CLASRP: variants seen among roughly 807,000 people sequenced by gnomAD.
The protein encoded by CLASRP is CLK4 associating serine/arginine rich protein, also known as CLK4-associating serine/arginine rich protein.
CLASRP carries 52 observed loss-of-function variants against 99.9 expected under a neutral mutation model. The observed-to-expected ratio is 0.52, with a 90% CI of 0.42 to 0.66. The LOEUF is 0.66. Among genes scored for constraint, CLASRP ranks in the 30% least tolerant of loss-of-function variants. CLASRP has a pLI of 0.00. For synonymous variants in CLASRP, 379 were observed against 373.0 expected, an observed-to-expected ratio of 1.02 and a Z score of -0.18; for missense variants, 848 against 999.2, an observed-to-expected ratio of 0.85 and a Z score of 2.04.
chr19:45,068,133 G>T (rs926794279), intron 15 of CLASRP, 79 bp downstream of exon 15: 26 of 1,382,500 alleles, frequency 1.9e-5, no homozygotes, highest in Non-Finnish European at 2.6e-5. Flanking sequence ...GGGCCTGCAG[G>T]GGGGCCCGGG....
At chr19:45,048,289 C>T (rs2122543705) in intron 2 of CLASRP, among the ~76,000 whole-genome samples, 1 of 150,440 alleles carries the variant, frequency 6.6e-6, no homozygotes, top group South Asian at 2.1e-4. Flanking sequence ...GTAATCCCAG[C>T]ACTTTGGGAG....
intron 13 of CLASRP, 124 bp downstream of exon 13, chr19:45,064,754 C>T (rs1967044050): frequency 2.1e-6 from 3 of 1,427,200 alleles, no homozygotes; most frequent in Admixed American, 2.8e-5. Flanking sequence ...TCTAAGGGGA[C>T]AGGCACAGGC....
At chr19:45,068,798 A>G (rs1967159350) in intron 16 of CLASRP, among the ~76,000 whole-genome samples, 1 of 151,900 alleles carries the variant, frequency 6.6e-6, no homozygotes, top group Non-Finnish European at 1.5e-5. Flanking sequence ...GGAGATCGAG[A>G]CCATTAACAC....
chr19:45,042,869 G>A (rs185716312), intron 2 of CLASRP, among the ~76,000 whole-genome samples: 14 of 152,052 alleles, frequency 9.2e-5, no homozygotes, highest in African/African-American at 2.9e-4. Context: ...TGCTTGCCTC[G>A]GCCTCCCAAA....
At chr19:45,063,987 T>A (rs746886246) in intron 11 of CLASRP, 25 bp from the exon 12 acceptor site, 1 of 1,584,580 alleles carries the variant, frequency 6.3e-7, no homozygotes, top group East Asian at 2.3e-5. Context: ...CCTGAGCTAG[T>A]GAGCCTCCTC....
intron 8 of CLASRP, among the ~76,000 whole-genome samples, chr19:45,059,850 C>G (rs1966899752): frequency 1.3e-5 from 2 of 152,154 alleles, no homozygotes; most frequent in Non-Finnish European, 1.5e-5. Flanking sequence ...TCAGGAACAT[C>G]CAGTGTCCTC....
In CLASRP at chr19:45,052,857, C is replaced by T; in HGVS notation, c.264C>T (p.His88=). The change falls in exon 4 of 21, where the codon CAC becomes CAT. Residue 88 remains histidine (H), a synonymous_variant. Transcript: ENST00000221455. ...DRFDVRAHLD[H]IPDYTPPLLT... is the part of the protein sequence containing the mutation. ...TCGATGTCCGTGCCCACCTGGACCA[C>T]ATCCCCGACTACACCCCCCCTCTGC... 10 of 1,612,442 alleles carry T rather than the reference C, an allele frequency of 6.2e-6. No individual in the cohort carries two copies.
rs772685843 is a variant in CLASRP at position 45,070,857 on chromosome 19, G to T, written c.*12G>T. 25 of 1,560,546 alleles carry T rather than the reference G, an allele frequency of 1.6e-5. No individual in the cohort carries two copies. The African/African-American group carries it at 3.0e-4, about 19-fold the overall frequency. On this transcript the variant is annotated 3_prime_UTR_variant, in exon 21 of 21. Transcript: ENST00000221455. ...ATTACCGACATTAGGCAGAAGAGTG[G>T]GGGGTGGGGAGGACAAGGGGGTGGG...
At chr19:45,053,227 T>C (rs1270425918) in intron 5 of CLASRP, 50 bp downstream of exon 5, 1 of 1,580,654 alleles carries the variant, frequency 6.3e-7, no homozygotes, top group Admixed American at 1.7e-5. Context: ...GCCTGGAGCC[T>C]GGAAGACCTA....
At position 45,064,195 on chromosome 19, in the gene CLASRP, C is replaced by T. The variant is rs765390210; in HGVS notation, c.1089C>T (p.Gly363=). The stretch of plus-strand genomic sequence containing the variant: ...AGCCCCCCGCACCTCCCCAGCCTGG[C>T]GGCCCCGCCCCGGGACGTAATGCCA... ...TGKPPAPPQP[G]GPAPGRNASA... The change falls in exon 12 of 21, where the codon GGC becomes GGT. Residue 363 remains glycine, a synonymous_variant. Coordinates refer to ENST00000221455, the MANE Select transcript of CLASRP (RefSeq NM_007056.3). 2.0e-5 allele frequency: 32 copies of T among 1,603,074 alleles called. 1 individual carries two copies. The highest frequency in any genetic ancestry group is 6.6e-5 in the South Asian group (6 of 90,428).
intron 8 of CLASRP, among the ~76,000 whole-genome samples, chr19:45,059,585 A>G (rs112316091): frequency 1.3e-5 from 2 of 152,146 alleles, no homozygotes; most frequent in Admixed American, 6.5e-5. Flanking sequence ...TGCCCTACTT[A>G]GTGCGACCTG....
At position 45,067,690 on chromosome 19, in the gene CLASRP, T is replaced by A; in HGVS notation, c.1667+96T>A. ...TTTTGAGGGGAACTTAGCCCTACCC[T>A]GGGAGGTCTGGGGGGTGGTGTATGG... On this transcript the variant is annotated intron_variant, in intron 14 of 20. Coordinates refer to ENST00000221455, the MANE Select transcript of CLASRP (RefSeq NM_007056.3). This position sits in a 1 kb window ranked among gnomAD's most constrained non-coding sequence, Gnocchi z 4.9. 8.5e-7 allele frequency: 1 copy of A among 1,171,120 alleles called. No individual in the cohort carries two copies. The highest frequency in any genetic ancestry group is 1.2e-6 in the Non-Finnish European group (1 of 839,152). 72.5% of individuals were successfully genotyped at this position (1,171,120 alleles called of 1,614,324 possible).
intron 2 of CLASRP, among the ~76,000 whole-genome samples, chr19:45,050,012 A>G (rs981555656): frequency 5.9e-5 from 9 of 152,086 alleles, no homozygotes; most frequent in Non-Finnish European, 7.4e-5. Context: ...GTCACTGAGG[A>G]CGGCTTTTAG....
At chr19:45,064,802 C>T (rs959408143) in intron 13 of CLASRP, among the ~76,000 whole-genome samples, 172 bp downstream of exon 13, 6 of 152,214 alleles carry the variant, frequency 3.9e-5, no homozygotes, top group African/African-American at 1.4e-4. Flanking sequence ...TTGGAAAGGG[C>T]AAGGCATGGG....
At chr19:45,043,674 C>A (rs2122528679) in intron 2 of CLASRP, among the ~76,000 whole-genome samples, 1 of 152,214 alleles carries the variant, frequency 6.6e-6, no homozygotes, top group South Asian at 2.1e-4. Flanking sequence ...GAGACAGAGA[C>A]CGCTCTTACT....
chr19:45,043,676 G>A lies in CLASRP; in HGVS notation c.99+3365G>A, dbSNP rs552711564. Reference sequence around the variant, plus strand: ...CACAGTCACCTGTGAGACAGAGACCGCTCTTACTTCCACTCAGCAGAGAAG... The same window carrying A: ...CACAGTCACCTGTGAGACAGAGACCACTCTTACTTCCACTCAGCAGAGAAG... On this transcript the variant is annotated intron_variant, in intron 2 of 20. Transcript: ENST00000221455. 3.3e-5 allele frequency among the ~76,000 whole-genome samples: 5 copies of A among 152,168 alleles called. No homozygotes were observed. The East Asian group carries it at 7.7e-4, about 24-fold the overall frequency.
intron 11 of CLASRP, among the ~76,000 whole-genome samples, chr19:45,062,817 A>T (rs1314519515): frequency 6.6e-6 from 1 of 152,208 alleles, no homozygotes; most frequent in African/African-American, 2.4e-5. Context: ...CTCAATTTCC[A>T]GAAGTGGCCA....
chr19:45,051,979 G>A (rs1600100066), intron 2 of CLASRP, 92 bp from the exon 3 acceptor site: 2 of 917,598 alleles, frequency 2.2e-6, no homozygotes. Context: ...AAAAAAAAAA[G>A]AAGTGAGCTT....
At chr19:45,044,905 A>G (rs1273069248) in intron 2 of CLASRP, among the ~76,000 whole-genome samples, 1 of 152,222 alleles carries the variant, frequency 6.6e-6, no homozygotes, top group Non-Finnish European at 1.5e-5. Flanking sequence ...GACGTGGGCA[A>G]GTGACTGCCT....
Sources: allele counts gnomAD v4.1 joint callset (sites outside exome capture counted in the v4.1 genomes callset), GRCh38; gene constraint gnomAD v4.1.1; non-coding constraint Gnocchi (gnomAD v3.1); transcripts MANE v1.5; gene names NCBI Gene and HGNC (gene_info 2026-07-23, HGNC 2026-07-21).